The following DYNC2H1 variants were observed in gnomAD, a reference collection of about 807,000 sequenced individuals.
DYNC2H1 encodes dynein cytoplasmic 2 heavy chain 1.
DYNC2H1 carries 410 observed loss-of-function variants against 570.0 expected under a neutral mutation model. The ratio of observed to expected loss-of-function variants is 0.72; its 90% CI spans 0.66 to 0.78. The LOEUF (loss-of-function observed/expected upper bound fraction) is 0.78, where lower values mean the gene tolerates loss of function less well. Ranked by LOEUF, DYNC2H1 falls within the 30% of genes least tolerant of loss-of-function variation. The probability of loss-of-function intolerance (pLI) is 0.00; values close to 1 mark genes in which losing one functional copy is unlikely to be tolerated. For synonymous variants in DYNC2H1, 1,688 were observed against 1,677.6 expected (o/e 1.01, Z -0.15); for missense variants, 4,865 against 5,046.4 (o/e 0.96, Z 1.09).
intron 88 of DYNC2H1, among the ~76,000 whole-genome samples, chr11:103,474,842 TG>T (rs1161440837): frequency 1.2e-4 from 18 of 152,338 alleles, no homozygotes; most frequent in Non-Finnish European, 1.9e-4. Context: ...GGCCTTGGAA[TG>T]TATTCCCCAT....
chr11:103,468,633 A>C lies in DYNC2H1; in HGVS notation c.12693A>C (p.Gln4231His). 1 of 1,613,742 alleles carries C rather than the reference A, an allele frequency of 6.2e-7. No homozygotes were observed. The highest frequency in any genetic ancestry group is 2.2e-5 in the East Asian group (1 of 44,844). Residue 4231 changes from glutamine to histidine, a missense_variant, in exon 88 of 89, where the codon CAA (glutamine) becomes CAC (histidine). By Grantham distance (24) the Gln-to-His change is conservative (BLOSUM62 0). Transcript: ENST00000375735. ...LLEGCSFDGN[Q>H]LSENQLDSPS... is the part of the protein sequence containing the mutation. ...AAGGATGTAGTTTTGATGGAAATCA[A>C]CTTTCTGAAAATCAGCTTGATTCTC...
chr11:103,114,070 C>T lies in DYNC2H1; in HGVS notation c.367-33C>T, dbSNP rs114066525. 4.7e-3 allele frequency: 7,435 copies of T among 1,597,182 alleles called. 331 individuals are homozygous for T. The African/African-American group carries it at 0.088, about 19-fold the overall frequency. ...CCAATTTGATTAGCAAAATTTTGATCAATCTTGGTTGCTCTTGTCTGTTTT... is the reference window on the plus strand; with the variant it reads ...CCAATTTGATTAGCAAAATTTTGATTAATCTTGGTTGCTCTTGTCTGTTTT... On this transcript the variant is annotated intron_variant, in intron 2 of 88. Transcript: ENST00000375735.
At chr11:103,215,909 G>A in intron 55 of DYNC2H1, 51 bp downstream of exon 55, 2 of 1,574,238 alleles carry the variant, frequency 1.3e-6, no homozygotes, top group Non-Finnish European at 1.7e-6. Flanking sequence ...GAGCATTTAT[G>A]CCTGATAGTC....
Position 103,192,138 on chromosome 11 carries a change from G to T in DYNC2H1, c.7582G>T (p.Ala2528Ser). Residue 2528 changes from alanine to serine, a missense_variant, in exon 47 of 89, where the codon GCA (alanine) becomes TCA (serine). Coordinates refer to ENST00000375735, the MANE Select transcript of DYNC2H1 (RefSeq NM_001377.3). ...ACTAGATTATGTGTTAGAAATTGTAGCATATGAGGCACGGCGCTTATTTCG... is the reference window on the plus strand; with the variant it reads ...ACTAGATTATGTGTTAGAAATTGTATCATATGAGGCACGGCGCTTATTTCG... ...HPLDYVLEIV[A>S]YEARRLFRDK... 6.4e-7 allele frequency: 1 copy of T among 1,553,522 alleles called. No homozygotes were observed. The highest frequency in any genetic ancestry group is 2.3e-5 in the East Asian group (1 of 42,814).
chr11:103,364,070 CA>C, intron 83 of DYNC2H1, among the ~76,000 whole-genome samples: 1 of 151,906 alleles, frequency 6.6e-6, no homozygotes, highest in South Asian at 2.1e-4. Context: ...AGGAAATGAC[CA>C]AAGAAAACCA....
intron 39 of DYNC2H1, among the ~76,000 whole-genome samples, chr11:103,179,870 T>A (rs1279573131): frequency 6.6e-6 from 1 of 151,734 alleles, no homozygotes; most frequent in Admixed American, 6.6e-5. Flanking sequence ...AAATCAGTAA[T>A]ATTTTGGCAT....
intron 84 of DYNC2H1, among the ~76,000 whole-genome samples, chr11:103,423,785 A>G (rs1392052019): frequency 1.3e-5 from 2 of 152,088 alleles, no homozygotes; most frequent in Non-Finnish European, 2.9e-5. Context: ...ATATTTTATT[A>G]AGACTTGTGG....
chr11:103,115,250 A>G lies in DYNC2H1; in HGVS notation c.576A>G (p.Lys192=). ...ACCGTGGAAATAAACAGATTAGTAA[A>G]GAAAGAGCCAATTATTTTAAAGAAT... ...QAHRGNKQIS[K]ERANYFKELF... The change falls in exon 4 of 89, where the codon AAA becomes AAG. Residue 192 remains lysine (K), a synonymous_variant. Coordinates refer to ENST00000375735, the MANE Select transcript of DYNC2H1 (RefSeq NM_001377.3). The G allele has an allele frequency of 1.2e-6, 2 of 1,607,034 alleles. No homozygotes were observed. The highest frequency in any genetic ancestry group is 1.7e-6 in the Non-Finnish European group (2 of 1,176,518).
At chr11:103,397,759 G>C (rs1220185544) in intron 83 of DYNC2H1, among the ~76,000 whole-genome samples, 2 of 152,144 alleles carry the variant, frequency 1.3e-5, no homozygotes, top group African/African-American at 4.8e-5. Flanking sequence ...GCTGGGTGTG[G>C]TGATGGGTGC....
At chr11:103,464,367 C>T (rs568532098) in intron 87 of DYNC2H1, among the ~76,000 whole-genome samples, 1 of 152,082 alleles carries the variant, frequency 6.6e-6, no homozygotes, top group East Asian at 1.9e-4. Context: ...GAGACAAAAA[C>T]AATAGTTTCA....
In DYNC2H1 at chr11:103,325,308, T is replaced by G. The variant is rs1938417234; in HGVS notation, c.12039+1318T>G. 6.6e-6 allele frequency among the ~76,000 whole-genome samples: 1 copy of G among 152,222 alleles called. No homozygotes were observed. Among genetic ancestry groups the G allele is most frequent in the Non-Finnish European group, 1.5e-5 (1 of 68,034 alleles). On this transcript the variant is annotated intron_variant, in intron 82 of 88. Transcript: ENST00000375735. This position sits in a 1 kb window ranked among gnomAD's most constrained non-coding sequence, Gnocchi z 4.8. ...CAGGGCCAATGTTCAGAATTGTATT[T>G]CCTAGGTTGTCTCCCATGGTTTTTA...
Position 103,479,470 on chromosome 11 carries a change from T to C in DYNC2H1, c.*217T>C, listed in dbSNP as rs1945676170. 2 of 428,598 alleles carry C rather than the reference T, an allele frequency of 4.7e-6. No homozygotes were observed. Among genetic ancestry groups the C allele is most frequent in the Non-Finnish European group, 7.5e-6 (2 of 267,364 alleles). The allele number at this position is 428,598 out of a possible 1,614,324, so 26.5% of individuals were successfully genotyped here. A position where few individuals can be genotyped will look rare whatever the true frequency, so the allele number is the denominator to read the frequency against. ...GTTATTGTTAAAACAGAGTATTCTT[T>C]TGACAACATTAAATATTTCTGTGAG... On this transcript the variant is annotated 3_prime_UTR_variant, in exon 89 of 89. Coordinates refer to ENST00000375735, the MANE Select transcript of DYNC2H1 (RefSeq NM_001377.3).
At chr11:103,126,314 C>A (rs914422670) in intron 12 of DYNC2H1, among the ~76,000 whole-genome samples, 8 of 152,094 alleles carry the variant, frequency 5.3e-5, no homozygotes, top group African/African-American at 1.9e-4. Context: ...GCATTCCTGT[C>A]CTGCACCTAG....
intron 63 of DYNC2H1, among the ~76,000 whole-genome samples, chr11:103,238,741 A>G (rs1445473938): frequency 1.3e-5 from 2 of 152,210 alleles, no homozygotes; most frequent in African/African-American, 2.4e-5. Context: ...TAAGCTAACT[A>G]TTGAAGTGCA....
rs1170816623 is a variant in DYNC2H1, at chr11:103,117,772, G to A, written c.908G>A (p.Gly303Asp). ...GTGATAGTCTGTAATCATCTAACAG[G>A]TCAGGTGTGGCAGCGCTATGTTCCT... ...QWVIVCNHLT[G>D]QVWQRYVPHP... Residue 303 changes from glycine to aspartate, a missense_variant, in exon 6 of 89, where the codon GGT becomes GAT. Coordinates refer to ENST00000375735, the MANE Select transcript of DYNC2H1 (RefSeq NM_001377.3). 6.2e-7 allele frequency: 1 copy of A among 1,613,432 alleles called. No individual in the cohort carries two copies. Among genetic ancestry groups the A allele is most frequent in the Admixed American group, 1.7e-5 (1 of 59,998 alleles).
intron 6 of DYNC2H1, among the ~76,000 whole-genome samples, chr11:103,120,134 C>G (rs1056073087): frequency 2.0e-5 from 3 of 151,988 alleles, no homozygotes; most frequent in Non-Finnish European, 4.4e-5. Context: ...TAAATGAGCT[C>G]TAAATATAGT....
intron 84 of DYNC2H1, among the ~76,000 whole-genome samples, chr11:103,430,240 G>C (rs938363170): frequency 6.6e-6 from 1 of 152,022 alleles, no homozygotes; most frequent in Non-Finnish European, 1.5e-5. Flanking sequence ...AATTGTACTA[G>C]AGTGTTTTTT....
At chr11:103,440,388 T>C (rs921739104) in intron 85 of DYNC2H1, among the ~76,000 whole-genome samples, 4 of 152,174 alleles carry the variant, frequency 2.6e-5, no homozygotes, top group African/African-American at 9.6e-5. Flanking sequence ...TTCATGTCTT[T>C]AGTTTTAAGA....
intron 82 of DYNC2H1, among the ~76,000 whole-genome samples, chr11:103,330,427 C>T (rs574576066): frequency 6.6e-6 from 1 of 151,088 alleles, no homozygotes; most frequent in African/African-American, 2.4e-5. Context: ...CTTATAACTT[C>T]AGACTTAGTA....
Sources: gnomAD v4.1 joint callset for allele counts (sites outside exome capture counted in the v4.1 genomes callset) on GRCh38, gnomAD v4.1.1 for gene constraint, Gnocchi (gnomAD v3.1) non-coding constraint, MANE v1.5 for transcripts, NCBI Gene and HGNC (gene_info 2026-07-23, HGNC 2026-07-21) for gene names.